The following IL1RAPL2 variants were observed in gnomAD, a reference collection of about 807,000 sequenced individuals.
IL1RAPL2 encodes interleukin 1 receptor accessory protein like 2, also known as X-linked interleukin-1 receptor accessory protein-like 2.
In IL1RAPL2, 3 loss-of-function variants were observed where a neutral mutation model predicts 44.1. The observed-to-expected ratio is 0.07, with a 90% CI of 0.03 to 0.18. IL1RAPL2 has a LOEUF of 0.18. Among genes scored for constraint, IL1RAPL2 ranks in the 10% least tolerant of loss-of-function variants. IL1RAPL2 has a pLI of 1.00. For missense variants in IL1RAPL2, 391 were observed against 496.4 expected (o/e 0.79, Z 2.02); for synonymous variants, 181 against 178.8 (o/e 1.01, Z -0.10).
At chrX:105,233,080 C>T (rs1346789897) in intron 3 of IL1RAPL2, among the ~76,000 whole-genome samples, 1 of 111,677 alleles carries the variant, frequency 9.0e-6, no homozygotes, top group African/African-American at 3.3e-5. Flanking sequence ...TCAGCAGATC[C>T]AGACCATCCT....
At chrX:105,428,795 G>T (rs1349191993) in intron 5 of IL1RAPL2, among the ~76,000 whole-genome samples, 1 of 111,255 alleles carries the variant, frequency 9.0e-6, no homozygotes, top group Non-Finnish European at 1.9e-5. Context: ...TGACTCCTAA[G>T]AGCACCATGC....
At chrX:105,368,130 T>C (rs2035309670) in intron 5 of IL1RAPL2, among the ~76,000 whole-genome samples, 1 of 111,179 alleles carries the variant, frequency 9.0e-6, no homozygotes, top group African/African-American at 3.3e-5. Flanking sequence ...CACATCCCTC[T>C]TAAATAAATT....
chrX:105,603,168 A>G (rs898775338), intron 6 of IL1RAPL2, among the ~76,000 whole-genome samples: 2 of 110,351 alleles, frequency 1.8e-5, no homozygotes, highest in Non-Finnish European at 3.8e-5. Flanking sequence ...GTAAATCATC[A>G]CTTATTAATA....
At chrX:105,120,017 C>T (rs1156518425) in intron 2 of IL1RAPL2, among the ~76,000 whole-genome samples, 1 of 109,262 alleles carries the variant, frequency 9.2e-6, no homozygotes, top group African/African-American at 3.3e-5. Flanking sequence ...AATTTAGGCA[C>T]AAAGAAGTGA....
At chrX:105,741,916 CCAAA>C (rs2038503229) in intron 8 of IL1RAPL2, among the ~76,000 whole-genome samples, 2 of 111,332 alleles carry the variant, frequency 1.8e-5, no homozygotes, top group East Asian at 2.9e-4. Context: ...TATGCCATGA[CCAAA>C]CAGTCTTTAT....
At chrX:105,114,130 A>T (rs1471311461) in intron 2 of IL1RAPL2, among the ~76,000 whole-genome samples, 2 of 111,804 alleles carry the variant, frequency 1.8e-5, no homozygotes, top group African/African-American at 6.5e-5. Flanking sequence ...TGATTAGGTC[A>T]TAAGGGCTGA....
chrX:104,826,206 G>T (rs1178329636), intron 2 of IL1RAPL2, among the ~76,000 whole-genome samples: 2 of 111,577 alleles, frequency 1.8e-5, no homozygotes, highest in Admixed American at 1.9e-4. Flanking sequence ...TGTGATGTTA[G>T]GGTGTCGATT....
intron 6 of IL1RAPL2, among the ~76,000 whole-genome samples, chrX:105,700,278 G>C (rs1274188077): frequency 1.8e-5 from 2 of 111,683 alleles, no homozygotes; most frequent in Non-Finnish European, 3.8e-5. Context: ...AACTGAATCT[G>C]AAAAACTGAG....
At chrX:105,739,955 A>C (rs1189564822) in intron 7 of IL1RAPL2, among the ~76,000 whole-genome samples, 2 of 101,389 alleles carry the variant, frequency 2.0e-5, no homozygotes, top group Admixed American at 2.2e-4. Context: ...ACTAGTTTAC[A>C]GTCCCACCAA....
chrX:105,189,954 G>C (rs1261745455), intron 2 of IL1RAPL2, among the ~76,000 whole-genome samples: 3 of 112,040 alleles, frequency 2.7e-5, no homozygotes, highest in Non-Finnish European at 5.6e-5. Context: ...TATAAGTTCT[G>C]TGTCTAACTT....
intron 2 of IL1RAPL2, among the ~76,000 whole-genome samples, chrX:105,077,940 T>C (rs1468307351): frequency 1.8e-5 from 2 of 111,491 alleles, no homozygotes; most frequent in Non-Finnish European, 3.8e-5. Context: ...TATGCATTCA[T>C]CTAATTTTTT....
intron 2 of IL1RAPL2, among the ~76,000 whole-genome samples, chrX:105,164,894 G>C (rs1304386607): frequency 1.8e-5 from 2 of 111,921 alleles, no homozygotes. Flanking sequence ...ACAGTTTCTG[G>C]AACATAGTAT....
intron 6 of IL1RAPL2, among the ~76,000 whole-genome samples, chrX:105,653,407 T>G (rs2037654885): frequency 1.8e-5 from 2 of 111,585 alleles, no homozygotes; most frequent in South Asian, 7.5e-4. Context: ...ACTCAATTAG[T>G]GTAAGAATCC....
chrX:105,041,811 A>G (rs1480107900), intron 2 of IL1RAPL2, among the ~76,000 whole-genome samples: 2 of 110,318 alleles, frequency 1.8e-5, no homozygotes, highest in Non-Finnish European at 1.9e-5. Flanking sequence ...GCATCACGCT[A>G]CCTGACTTCA....
intron 2 of IL1RAPL2, among the ~76,000 whole-genome samples, chrX:104,784,849 G>A: frequency 9.1e-6 from 1 of 109,532 alleles, no homozygotes; most frequent in Non-Finnish European, 1.9e-5. Flanking sequence ...GGGCTAAGCG[G>A]TAACCAGAGC....
At chrX:105,009,395 T>C (rs1488794499) in intron 2 of IL1RAPL2, among the ~76,000 whole-genome samples, 5 of 109,381 alleles carry the variant, frequency 4.6e-5, no homozygotes, top group Non-Finnish European at 7.6e-5. Flanking sequence ...GTGGCACATA[T>C]ACACCATGGA....
intron 2 of IL1RAPL2, among the ~76,000 whole-genome samples, chrX:105,135,046 C>CAA (rs56775338): frequency 0.026 from 1,511 of 57,470 alleles, 42 homozygotes; most frequent in African/African-American, 0.076. Flanking sequence ...TTCAGAGCTA[C>CAA]AAAAAAAAAA....
chrX:104,782,137 G>C (rs1008538783), intron 2 of IL1RAPL2, among the ~76,000 whole-genome samples: 23 of 111,559 alleles, frequency 2.1e-4, no homozygotes, highest in Admixed American at 8.6e-4. Flanking sequence ...ACATTACCCT[G>C]TCTGTGGTAT....
rs138302191 is a variant in IL1RAPL2 at position 104,844,266 on chromosome X, G to A, written c.82+185271G>A. On this transcript the variant is annotated intron_variant, in intron 2 of 10. Coordinates refer to ENST00000372582, the MANE Select transcript of IL1RAPL2 (RefSeq NM_017416.2). Reference sequence around the variant, plus strand: ...CACCAAGTGGTACAGATCAATGTTCGTAGTACCAAGCAGCAACCTAGGATA... The same window carrying A: ...CACCAAGTGGTACAGATCAATGTTCATAGTACCAAGCAGCAACCTAGGATA... Among the ~76,000 whole-genome samples, 785 of 111,253 alleles carry A rather than the reference G, an allele frequency of 7.1e-3. 7 individuals carry two copies. The highest frequency in any genetic ancestry group is 0.012 in the Non-Finnish European group (612 of 53,059).
Sources: allele counts gnomAD v4.1 joint callset (sites outside exome capture counted in the v4.1 genomes callset), GRCh38; gene constraint gnomAD v4.1.1; transcripts MANE v1.5; gene names NCBI Gene and HGNC (gene_info 2026-07-23, HGNC 2026-07-21).